Variants in DCLRE1C observed in about 807,000 individuals in gnomAD.
DCLRE1C encodes the protein DNA cross-link repair 1C, also known as protein artemis.
DCLRE1C carries 47 observed loss-of-function variants against 61.4 expected under a neutral mutation model. That is an observed-to-expected ratio of 0.77 (90% CI 0.61 to 0.98). The LOEUF (loss-of-function observed/expected upper bound fraction) is 0.98, where lower values mean the gene tolerates loss of function less well. Among genes scored for constraint, DCLRE1C ranks in the 50% least tolerant of loss-of-function variants. The pLI, the probability that DCLRE1C is intolerant of heterozygous loss-of-function variation, is 0.00. For missense variants in DCLRE1C, 858 were observed against 816.0 expected, an observed-to-expected ratio of 1.05 and a Z score of -0.63; for synonymous variants, 337 against 287.6, an observed-to-expected ratio of 1.17 and a Z score of -1.74.
chr10:14,914,206 C>T (rs577507371), intron 13 of DCLRE1C, among the ~76,000 whole-genome samples: 2 of 152,280 alleles, frequency 1.3e-5, no homozygotes, highest in African/African-American at 4.8e-5. Context: ...GAAAAAGATA[C>T]ATCAAGCCAA....
chr10:14,910,375 C>T (rs1193724772), intron 13 of DCLRE1C, among the ~76,000 whole-genome samples: 1 of 152,064 alleles, frequency 6.6e-6, no homozygotes, highest in Non-Finnish European at 1.5e-5. Flanking sequence ...GTTTTAGGTC[C>T]CTCACTACTA....
chr10:14,905,155 A>C lies in DCLRE1C; in HGVS notation c.*3253T>G, dbSNP rs1834287959. 6.6e-6 allele frequency among the ~76,000 whole-genome samples: 1 copy of C among 152,254 alleles called. No individual in the cohort carries two copies. The highest frequency in any genetic ancestry group is 1.5e-5 in the Non-Finnish European group (1 of 68,034). On this transcript the variant is annotated 3_prime_UTR_variant, in exon 14 of 14. Transcript: ENST00000378278. ...TGCTAGCAAGATTAACCGAAGGTTT[A>C]TATTCAATTCCTTTAAATGTTACTT...
chr10:14,901,266 T>C (rs777103967), downstream of DCLRE1C: 4 of 1,613,620 alleles, frequency 2.5e-6, no homozygotes, highest in African/African-American at 4.0e-5. Context: ...ATGAAAGGTA[T>C]GCTTTTCAAG....
At chr10:14,948,099 G>T (rs148204880) in intron 2 of DCLRE1C, among the ~76,000 whole-genome samples, 65 of 152,066 alleles carry the variant, frequency 4.3e-4, no homozygotes, top group African/African-American at 1.4e-3. Context: ...TATTGGCCAG[G>T]TGCAAAGGCT....
chr10:14,899,797 A>C, downstream of DCLRE1C: 1 of 1,305,560 alleles, frequency 7.7e-7, no homozygotes, highest in South Asian at 1.5e-5. Flanking sequence ...CATTTCCAAA[A>C]TATGTATTTT....
At chr10:14,944,271 G>A (rs537099761) in intron 3 of DCLRE1C, among the ~76,000 whole-genome samples, 109 of 152,268 alleles carry the variant, frequency 7.2e-4, no homozygotes, top group Non-Finnish European at 1.4e-3. Flanking sequence ...AACCAAGGTG[G>A]GTGGATCACC....
chr10:14,947,131 G>C (rs190876316), intron 2 of DCLRE1C, among the ~76,000 whole-genome samples: 1 of 152,152 alleles, frequency 6.6e-6, no homozygotes, highest in Non-Finnish European at 1.5e-5. Flanking sequence ...AGAATTGCTT[G>C]AACCTGGGAG....
At position 14,926,847 on chromosome 10, in the gene DCLRE1C, C is replaced by G. The variant is rs756115313; in HGVS notation, c.968G>C (p.Ser323Thr). The change falls in exon 11 of 14, where the codon AGT becomes ACT. Residue 323 changes from serine to threonine, a missense_variant. Coordinates refer to ENST00000378278, the MANE Select transcript of DCLRE1C (RefSeq NM_001033855.3). ...GAGTATATGGGATCCTCTTACCTCA[C>G]TGTAGGAGGAGTGAAAAGAAAAACA... ...RACFSFHSSY[S>T]EIKDFLSYLC... 1 of 1,612,188 alleles carries G rather than the reference C, an allele frequency of 6.2e-7. No individual in the cohort carries two copies. Among genetic ancestry groups the G allele is most frequent in the Admixed American group, 1.7e-5 (1 of 60,002 alleles).
intron 13 of DCLRE1C, among the ~76,000 whole-genome samples, chr10:14,916,900 T>G (rs775187318): frequency 6.6e-6 from 1 of 152,142 alleles, no homozygotes; most frequent in African/African-American, 2.4e-5. Flanking sequence ...TTTGTACAAA[T>G]TGGCGTATGA....
intron 9 of DCLRE1C, among the ~76,000 whole-genome samples, chr10:14,928,604 T>C (rs938717815): frequency 2.0e-5 from 3 of 152,070 alleles, no homozygotes; most frequent in Non-Finnish European, 4.4e-5. Flanking sequence ...TGTACTGTGG[T>C]TATATAGGAA....
In DCLRE1C at chr10:14,910,442, C is replaced by T. The variant is rs534127122; in HGVS notation, c.1157-1112G>A. ...CACAGTTCAGCCTCTACCTCTCAGG[C>T]TCAGGAGATCCACCCCCATGCCCAG... On this transcript the variant is annotated intron_variant, in intron 13 of 13. Transcript: ENST00000378278. 4.6e-5 allele frequency among the ~76,000 whole-genome samples: 7 copies of T among 152,266 alleles called. No individual in the cohort carries two copies. The South Asian group carries it at 1.0e-3, about 23-fold the overall frequency.
chr10:14,918,653 C>A (rs896627282), intron 13 of DCLRE1C, among the ~76,000 whole-genome samples: 2 of 148,532 alleles, frequency 1.3e-5, no homozygotes, highest in Non-Finnish European at 1.5e-5. Flanking sequence ...AAGAAAAAAA[C>A]CTTAGTAAAT....
intron 9 of DCLRE1C, among the ~76,000 whole-genome samples, chr10:14,931,352 G>A (rs1474062177): frequency 6.6e-6 from 1 of 152,110 alleles, no homozygotes; most frequent in Non-Finnish European, 1.5e-5. Context: ...GAGGTTAGGA[G>A]TTCGAGACCA....
In DCLRE1C at chr10:14,935,568, A is replaced by T. The variant is rs751011308; in HGVS notation, c.363-4T>A. 2 of 1,613,476 alleles carry T rather than the reference A, an allele frequency of 1.2e-6. No individual in the cohort carries two copies. The highest frequency in any genetic ancestry group is 1.7e-6 in the Non-Finnish European group (2 of 1,179,450). On this transcript the variant is annotated splice_polypyrimidine_tract_variant and splice_region_variant and intron_variant, in intron 5 of 13. Coordinates refer to ENST00000378278, the MANE Select transcript of DCLRE1C (RefSeq NM_001033855.3). ...ATTATTGCCCTGAAATAAAAACCTG[A>T]AAAAGAAATATATCCCAGTGACTTC...
At chr10:14,945,898 T>C (rs1221435120) in intron 2 of DCLRE1C, among the ~76,000 whole-genome samples, 1 of 151,098 alleles carries the variant, frequency 6.6e-6, no homozygotes, top group Non-Finnish European at 1.5e-5. Flanking sequence ...CCTCGGGTGA[T>C]CCACCCACCT....
At chr10:14,950,538 T>C (rs1283972400) in intron 1 of DCLRE1C, among the ~76,000 whole-genome samples, 2 of 152,142 alleles carry the variant, frequency 1.3e-5, no homozygotes, top group South Asian at 2.1e-4. Context: ...CCCTTGATTG[T>C]ATATATGCCT....
intron 9 of DCLRE1C, among the ~76,000 whole-genome samples, chr10:14,928,701 G>C (rs1838444616): frequency 2.0e-5 from 3 of 152,102 alleles, no homozygotes; most frequent in Admixed American, 2.0e-4. Context: ...GGTTTGGAGT[G>C]GGGAGTTGGT....
chr10:14,933,588 G>A (rs1250423616), intron 8 of DCLRE1C, among the ~76,000 whole-genome samples: 1 of 151,860 alleles, frequency 6.6e-6, no homozygotes, highest in African/African-American at 2.4e-5. Flanking sequence ...AGTGAACTGA[G>A]ACCGTGCCAC....
At chr10:14,938,654 T>C (rs1840372092) in intron 4 of DCLRE1C, among the ~76,000 whole-genome samples, 1 of 152,190 alleles carries the variant, frequency 6.6e-6, no homozygotes. Context: ...ACAAAAGTAC[T>C]ACCTCAAAAT....
Sources: allele counts gnomAD v4.1 joint callset (sites outside exome capture counted in the v4.1 genomes callset), GRCh38; gene constraint gnomAD v4.1.1; transcripts MANE v1.5; gene names NCBI Gene and HGNC (gene_info 2026-07-23, HGNC 2026-07-21).